Variants in SLC28A1 observed in about 807,000 individuals in gnomAD.
SLC28A1 encodes sodium/nucleoside cotransporter 1.
Under a neutral mutation model 74.8 loss-of-function variants are expected in SLC28A1, and 64 were observed. The observed-to-expected ratio is 0.86, with a 90% CI of 0.70 to 1.05. The LOEUF (loss-of-function observed/expected upper bound fraction) is 1.05, where lower values mean the gene tolerates loss of function less well. SLC28A1 is among the 50% of genes least tolerant of loss of function. The pLI is 0.00. For synonymous variants in SLC28A1, 359 were observed against 335.0 expected, an observed-to-expected ratio of 1.07 and a Z score of -0.78; for missense variants, 828 against 822.8, an observed-to-expected ratio of 1.01 and a Z score of -0.08.
intron 9 of SLC28A1, among the ~76,000 whole-genome samples, chr15:84,910,372 C>G (rs1415247295): frequency 6.6e-6 from 1 of 152,212 alleles, no homozygotes; most frequent in Admixed American, 6.5e-5. Context: ...GTAAGGTCTG[C>G]TTCAGGGTGA....
chr15:84,924,897 A>ATTTTTTTT (rs756910084), intron 12 of SLC28A1, among the ~76,000 whole-genome samples: 2 of 139,790 alleles, frequency 1.4e-5, no homozygotes, highest in African/African-American at 2.7e-5. Context: ...TTTTTTATTA[A>ATTTTTTTT]TTTTTTTTGT....
At chr15:84,931,387 C>T (rs1433192425) in intron 12 of SLC28A1, among the ~76,000 whole-genome samples, 1 of 151,636 alleles carries the variant, frequency 6.6e-6, no homozygotes, top group Non-Finnish European at 1.5e-5. Context: ...ACCAAAACAC[C>T]TGTAATCCCA....
At position 84,890,541 on chromosome 15, in the gene SLC28A1, C is replaced by A; in HGVS notation, c.277+7C>A. ...ACAGGCCTGCTCTGCACTGGTGAGC[C>A]TGGGGCCCAGCACTACCCAGGACAC... On this transcript the variant is annotated splice_region_variant and intron_variant, in intron 5 of 18. Transcript: ENST00000394573. 3 of 1,604,636 alleles carry A rather than the reference C, an allele frequency of 1.9e-6. No homozygotes were observed. Among genetic ancestry groups the A allele is most frequent in the South Asian group, 1.1e-5 (1 of 90,250 alleles).
chr15:84,949,222 G>A (rs1348957278), downstream of SLC28A1, among the ~76,000 whole-genome samples: 8 of 152,286 alleles, frequency 5.3e-5, no homozygotes, highest in East Asian at 1.5e-3. Context: ...GAATTTGTGT[G>A]CAGACAGTGC....
At chr15:84,956,975 T>G in the SLC28A1 span, among the ~76,000 whole-genome samples, 1 of 152,220 alleles carries the variant, frequency 6.6e-6, no homozygotes, top group Non-Finnish European at 1.5e-5. Context: ...TGTGAAAAAT[T>G]TATGCATTTT....
intron 4 of SLC28A1, 80 bp downstream of exon 4, chr15:84,888,940 C>A (rs980494687): frequency 3.0e-6 from 3 of 995,596 alleles, no homozygotes; most frequent in Admixed American, 2.0e-5. Flanking sequence ...GGCCTCCTGG[C>A]GGATGGGAGT....
intron 5 of SLC28A1, among the ~76,000 whole-genome samples, chr15:84,893,371 T>A (rs1486901342): frequency 2.0e-5 from 3 of 152,222 alleles, no homozygotes; most frequent in African/African-American, 7.2e-5. Context: ...AGCACCGCTC[T>A]GTGGGGCTCC....
At chr15:84,909,575 T>C (rs1050618126) in intron 9 of SLC28A1, among the ~76,000 whole-genome samples, 5 of 152,242 alleles carry the variant, frequency 3.3e-5, no homozygotes, top group Non-Finnish European at 5.9e-5. Context: ...TGTATTCTTT[T>C]TTCCCTAGTT....
At chr15:84,895,865 TAA>T (rs1965949028) in intron 6 of SLC28A1, 1 of 1,064,486 alleles carries the variant, frequency 9.4e-7, no homozygotes, top group African/African-American at 1.7e-5. Flanking sequence ...ACCCAAAGAC[TAA>T]GTCAGGGGGA....
At chr15:84,884,845 G>A (rs1021411743) in intron 1 of SLC28A1, 94 bp downstream of exon 1, 7 of 632,324 alleles carry the variant, frequency 1.1e-5, no homozygotes, top group Admixed American at 6.3e-5. Context: ...AGCAGGTAGC[G>A]TCCTTTTTTT....
At chr15:84,928,569 T>TTGAGA (rs1970814948) in intron 12 of SLC28A1, among the ~76,000 whole-genome samples, 3 of 17,626 alleles carry the variant, frequency 1.7e-4, no homozygotes, top group African/African-American at 1.3e-3. Flanking sequence ...TTTCTTTCTT[T>TTGAGA]CTTTCTTTCT....
In SLC28A1 at chr15:84,925,067, GT is replaced by G. The variant is rs964017770; in HGVS notation, c.1083+982del. Reference sequence around the variant, plus strand: ...AGGCACGCCCCACCGCGCCCAGCTAGTTTTTTTTTTTTTTTTTTTTTTTTTG... The same window carrying G: ...AGGCACGCCCCACCGCGCCCAGCTAGTTTTTTTTTTTTTTTTTTTTTTTTG... On this transcript the variant is annotated intron_variant, in intron 12 of 18. Coordinates refer to ENST00000394573, the MANE Select transcript of SLC28A1 (RefSeq NM_004213.5). 7.8e-3 allele frequency among the ~76,000 whole-genome samples: 657 copies of G among 84,132 alleles called. 7 individuals are homozygous for G. Among genetic ancestry groups the G allele is most frequent in the African/African-American group, 0.025 (548 of 22,004 alleles). 55.2% of individuals were successfully genotyped at this position (84,132 alleles called of 152,430 possible).
chr15:84,945,963 G>A (rs1171554255), downstream of SLC28A1, among the ~76,000 whole-genome samples: 1 of 149,382 alleles, frequency 6.7e-6, no homozygotes, highest in East Asian at 2.0e-4. Context: ...AGGCTCAAGT[G>A]ATCCTCCCAC....
Position 84,920,985 on chromosome 15 carries a change from C to G in SLC28A1, c.877-4C>G, listed in dbSNP as rs1280548177. 1.2e-6 allele frequency: 2 copies of G among 1,612,750 alleles called. No homozygotes were observed. Among genetic ancestry groups the G allele is most frequent in the Non-Finnish European group, 1.7e-6 (2 of 1,178,738 alleles). ...CCCACAAAGAACATTCTGCTTCCTT[C>G]TAGATTGCCTGGCTGATGCAAGTCA... On this transcript the variant is annotated splice_polypyrimidine_tract_variant and splice_region_variant and intron_variant, in intron 10 of 18. Transcript: ENST00000394573.
intron 5 of SLC28A1, among the ~76,000 whole-genome samples, chr15:84,893,100 A>G (rs561181497): frequency 8.6e-6 from 1 of 116,782 alleles, no homozygotes; most frequent in Admixed American, 9.4e-5. Flanking sequence ...CGCCCCGACC[A>G]CAAAGCACAG....
downstream of SLC28A1, chr15:84,945,866 T>A (rs1408938064): frequency 6.5e-6 from 1 of 154,226 alleles, no homozygotes; most frequent in African/African-American, 2.4e-5. Context: ...TTTTTCCACA[T>A]TTACTTGACC....
intron 9 of SLC28A1, among the ~76,000 whole-genome samples, chr15:84,916,844 A>G (rs1001602997): frequency 6.6e-5 from 10 of 152,126 alleles, no homozygotes; most frequent in African/African-American, 2.4e-4. Context: ...CCTGGCCAAC[A>G]TGGTGAAACC....
intron 12 of SLC28A1, among the ~76,000 whole-genome samples, chr15:84,931,035 T>A (rs1323894878): frequency 2.0e-5 from 3 of 152,172 alleles, no homozygotes; most frequent in East Asian, 2.0e-4. Context: ...CCTCCCAAAG[T>A]GCTAGGATAA....
chr15:84,889,718 TTCCTTCCTTCCTTCC>T (rs1965101476), intron 4 of SLC28A1, among the ~76,000 whole-genome samples: 1 of 42,644 alleles, frequency 2.3e-5, no homozygotes, highest in Non-Finnish European at 6.5e-5. Context: ...CTTTCCTTCC[TTCCTTCCTTCCTTCC>T]TTCCTTCCTT....
Sources: gnomAD v4.1 joint callset for allele counts (sites outside exome capture counted in the v4.1 genomes callset) on GRCh38, gnomAD v4.1.1 for gene constraint, MANE v1.5 for transcripts, NCBI Gene and HGNC (gene_info 2026-07-23, HGNC 2026-07-21) for gene names.